The following ZNF136 variants were observed in gnomAD, a reference collection of about 807,000 sequenced individuals.
ZNF136 encodes zinc finger protein 136 (clone pHZ-20).
Under a neutral mutation model 11.4 loss-of-function variants are expected in ZNF136, and 8 were observed. That is an observed-to-expected ratio of 0.70 (90% CI 0.41 to 1.27). ZNF136 has a LOEUF of 1.27. ZNF136 is among the 50% of genes most tolerant of loss of function. ZNF136 has a pLI of 0.01. For synonymous variants in ZNF136, 190 were observed against 207.1 expected, an observed-to-expected ratio of 0.92 and a Z score of 0.71; for missense variants, 590 against 656.5, an observed-to-expected ratio of 0.90 and a Z score of 1.11.
In ZNF136 at chr19:12,184,264, C is replaced by CA. The variant is rs560661454; in HGVS notation, c.4-1510dup. Among the ~76,000 whole-genome samples, 771 of 107,428 alleles carry CA rather than the reference C, an allele frequency of 7.2e-3. 3 individuals are homozygous for CA. The highest frequency in any genetic ancestry group is 0.022 in the African/African-American group (615 of 28,232). The allele number at this position is 107,428 out of a possible 152,430, so 70.5% of individuals were successfully genotyped here. A position where few individuals can be genotyped will look rare whatever the true frequency, so the allele number is the denominator to read the frequency against. On this transcript the variant is annotated intron_variant, in intron 1 of 3. Coordinates refer to ENST00000343979, the MANE Select transcript of ZNF136 (RefSeq NM_003437.5). ...CTGGGCGACAGAGCAAGACTCCATC[C>CA]AAAAAAAAAAAGAGGGCTGGGTGTG...
At chr19:12,180,457 G>A (rs1832169095) in intron 1 of ZNF136, among the ~76,000 whole-genome samples, 1 of 152,184 alleles carries the variant, frequency 6.6e-6, no homozygotes, top group South Asian at 2.1e-4. Context: ...ATATTTTTGT[G>A]AGAAAGGAGA....
At chr19:12,164,468 G>C (rs1455994173) in intron 1 of ZNF136, among the ~76,000 whole-genome samples, 1 of 124,898 alleles carries the variant, frequency 8.0e-6, no homozygotes, top group Non-Finnish European at 1.6e-5. Flanking sequence ...TTTTTGAGAC[G>C]GAGTCTCTCT....
Position 12,187,077 on chromosome 19 carries a change from C to T in ZNF136, c.699C>T (p.Phe233=), listed in dbSNP as rs768925903. The part of the protein sequence containing the change: ...PYECQECGKA[F]TCITSVRRHM... ...AATGTCAGGAATGTGGAAAAGCCTT[C>T]ACTTGTATCACAAGTGTTCGAAGAC... is the stretch of plus-strand genomic sequence containing the variant. Residue 233 remains phenylalanine, a synonymous_variant, in exon 4 of 4, where the codon TTC becomes TTT. Transcript: ENST00000343979. The T allele has an allele frequency of 2.5e-6, 4 of 1,613,942 alleles. No individual in the cohort carries two copies. Among genetic ancestry groups the T allele is most frequent in the Non-Finnish European group, 2.5e-6 (3 of 1,180,002 alleles).
Position 12,181,878 on chromosome 19 carries a change from G to A in ZNF136, c.4-3907G>A, listed in dbSNP as rs118065695. ...TTTCGATCTCCTGACCTCGCAATCCGCCTGTCTCTGCCTCCCAAAGTACTG... is the reference window on the plus strand; with the variant it reads ...TTTCGATCTCCTGACCTCGCAATCCACCTGTCTCTGCCTCCCAAAGTACTG... On this transcript the variant is annotated intron_variant, in intron 1 of 3. Transcript: ENST00000343979. Among the ~76,000 whole-genome samples the A allele has an allele frequency of 2.1e-4, 32 of 152,158 alleles. 2 individuals are homozygous for A. In the East Asian group the frequency reaches 2.7e-3, roughly 13 times the overall value.
In ZNF136 at chr19:12,185,908, A is replaced by T; in HGVS notation, c.127A>T (p.Ile43Leu). Residue 43 changes from isoleucine to leucine, a missense_variant, in exon 2 of 4, where the codon ATA (isoleucine) becomes TTA (leucine). Transcript: ENST00000343979. ...MWETMRNLAS[I>L]GKKWKDQNIK... is the part of the protein sequence containing the mutation. ...GGAAACCATGAGGAATCTGGCCTCT[A>T]TAGGTAAGGATTGTATACTTCCATC... The T allele has an allele frequency of 1.2e-6, 2 of 1,613,166 alleles. No individual in the cohort carries two copies. The highest frequency in any genetic ancestry group is 1.7e-6 in the Non-Finnish European group (2 of 1,179,770).
chr19:12,178,235 C>T (rs191839521), intron 1 of ZNF136, among the ~76,000 whole-genome samples: 4 of 152,328 alleles, frequency 2.6e-5, no homozygotes, highest in South Asian at 2.1e-4. Flanking sequence ...TCTCCCACTC[C>T]GTGTGTTGCC....
chr19:12,165,095 C>T (rs770415308), intron 1 of ZNF136, among the ~76,000 whole-genome samples: 21 of 152,146 alleles, frequency 1.4e-4, no homozygotes, highest in Non-Finnish European at 2.5e-4. Flanking sequence ...AGGGAAAAGA[C>T]GGAAATGATT....
chr19:12,169,198 T>C (rs561656139), intron 1 of ZNF136: 1 of 152,304 alleles, frequency 6.6e-6, no homozygotes, highest in African/African-American at 2.4e-5. Context: ...TAATGCCAGG[T>C]GATGTCAGAA....
chr19:12,163,883 C>T (rs551826144), intron 1 of ZNF136: 1 of 152,364 alleles, frequency 6.6e-6, no homozygotes, highest in East Asian at 1.9e-4. Flanking sequence ...CTTTTGTCTC[C>T]TCTATGCACA....
intron 1 of ZNF136, among the ~76,000 whole-genome samples, chr19:12,167,185 C>T (rs774742204): frequency 6.6e-6 from 1 of 152,142 alleles, no homozygotes; most frequent in Non-Finnish European, 1.5e-5. Flanking sequence ...AGGAAATTTA[C>T]AAGTCAAGGG....
chr19:12,189,234 T>C lies in ZNF136; in HGVS notation c.*1233T>C, dbSNP rs1024792536. 3 of 152,266 alleles carry C rather than the reference T, an allele frequency of 2.0e-5. No individual in the cohort carries two copies. The highest frequency in any genetic ancestry group is 7.2e-5 in the African/African-American group (3 of 41,474). 9.4% of individuals were successfully genotyped at this position (152,266 alleles called of 1,614,324 possible). A position where few individuals can be genotyped will look rare whatever the true frequency, so the allele number is the denominator to read the frequency against. ...CCACTGAAAAATAAGTCTTAATAAATGTTGGTATGAACCTACTTGCTTCAT... is the reference window on the plus strand; with the variant it reads ...CCACTGAAAAATAAGTCTTAATAAACGTTGGTATGAACCTACTTGCTTCAT... On this transcript the variant is annotated 3_prime_UTR_variant, in exon 4 of 4. Transcript: ENST00000343979.
At chr19:12,170,011 G>C (rs1914605435) in intron 1 of ZNF136, among the ~76,000 whole-genome samples, 1 of 149,592 alleles carries the variant, frequency 6.7e-6, no homozygotes, top group African/African-American at 2.4e-5. Context: ...AGCCAGGGTG[G>C]TCTCGATCTC....
chr19:12,189,654 C>T lies in ZNF136; in HGVS notation c.*1653C>T, dbSNP rs1915205386. 1 of 151,882 alleles carries T rather than the reference C, an allele frequency of 6.6e-6. No homozygotes were observed. The highest frequency in any genetic ancestry group is 1.5e-5 in the Non-Finnish European group (1 of 67,986). The allele number at this position is 151,882 out of a possible 1,614,324, so 9.4% of individuals were successfully genotyped here. A position where few individuals can be genotyped will look rare whatever the true frequency, so the allele number is the denominator to read the frequency against. ...CACGTGTGAGCCATCACACCTAGCC[C>T]ATTTTTTTTTTCTTGGCTCAAATAA... On this transcript the variant is annotated 3_prime_UTR_variant, in exon 4 of 4. Transcript: ENST00000343979.
At chr19:12,180,155 C>T (rs763794292) in intron 1 of ZNF136, among the ~76,000 whole-genome samples, 23 of 152,158 alleles carry the variant, frequency 1.5e-4, no homozygotes, top group Non-Finnish European at 2.8e-4. Context: ...CGTGAGCCAC[C>T]GCCCCCGGCC....
chr19:12,170,129 T>C lies in ZNF136; in HGVS notation c.3+6923T>C, dbSNP rs564501186. Among the ~76,000 whole-genome samples the C allele has an allele frequency of 1.1e-3, 163 of 149,662 alleles. No homozygotes were observed. The Middle Eastern group carries it at 0.014, about 13-fold the overall frequency. On this transcript the variant is annotated intron_variant, in intron 1 of 3. Coordinates refer to ENST00000343979, the MANE Select transcript of ZNF136 (RefSeq NM_003437.5). Reference sequence around the variant, plus strand: ...ATTTTTAGTAGAGACGGGGTTTCGCTGTGTTAGCCAGGGTGGTCTCAATCT... The same window carrying C: ...ATTTTTAGTAGAGACGGGGTTTCGCCGTGTTAGCCAGGGTGGTCTCAATCT...
At position 12,163,117 on chromosome 19, in the gene ZNF136, T is replaced by G; in HGVS notation, c.-87T>G. 7.4e-7 allele frequency: 1 copy of G among 1,350,552 alleles called. No homozygotes were observed. Among genetic ancestry groups the G allele is most frequent in the Non-Finnish European group, 9.6e-7 (1 of 1,038,088 alleles). The allele number at this position is 1,350,552 out of a possible 1,614,324, so 83.7% of individuals were successfully genotyped here. ...CTTCGCTAGTCCCAGAGGCCCAGAG[T>G]GGCTCGCCTGGAGTCTCTGTGGCGC... is the stretch of plus-strand genomic sequence containing the variant. On this transcript the variant is annotated 5_prime_UTR_variant, in exon 1 of 4. Transcript: ENST00000343979.
chr19:12,182,411 T>A (rs533798597), intron 1 of ZNF136, among the ~76,000 whole-genome samples: 1 of 152,374 alleles, frequency 6.6e-6, no homozygotes, highest in African/African-American at 2.4e-5. Context: ...ATAGCTTCCA[T>A]GTCTCTTGGA....
chr19:12,164,609 A>AT (rs1335903762), intron 1 of ZNF136: 5 of 152,288 alleles, frequency 3.3e-5, no homozygotes, highest in African/African-American at 9.6e-5. Flanking sequence ...CGCCCGGCTA[A>AT]TTTTTTGTGT....
intron 1 of ZNF136, among the ~76,000 whole-genome samples, chr19:12,173,859 G>T (rs1047218345): frequency 1.7e-4 from 26 of 151,992 alleles, no homozygotes; most frequent in African/African-American, 5.8e-4. Flanking sequence ...AATCGAATCG[G>T]TTTGGCAGGC....
Sources: gnomAD v4.1 joint callset for allele counts (sites outside exome capture counted in the v4.1 genomes callset) on GRCh38, gnomAD v4.1.1 for gene constraint, MANE v1.5 for transcripts, NCBI Gene and HGNC (gene_info 2026-07-23, HGNC 2026-07-21) for gene names.